The following ANKRD30BL variants were observed in gnomAD, a reference collection of about 807,000 sequenced individuals.
ANKRD30BL encodes the protein putative ankyrin repeat domain-containing protein 30B-like.
A neutral mutation model predicts 18.4 loss-of-function variants in ANKRD30BL; 20 were observed. That is an observed-to-expected ratio of 1.09 (90% CI 0.77 to 1.58). ANKRD30BL has a LOEUF of 1.58. ANKRD30BL is among the 40% of genes most tolerant of loss of function. ANKRD30BL has a pLI of 0.00. For synonymous variants in ANKRD30BL, 72 were observed against 100.9 expected, an observed-to-expected ratio of 0.71 and a Z score of 1.72; for missense variants, 224 against 268.6, an observed-to-expected ratio of 0.83 and a Z score of 1.16.
intron 1 of ANKRD30BL, among the ~76,000 whole-genome samples, chr2:132,193,801 A>G (rs973743379): frequency 6.6e-6 from 1 of 151,016 alleles, no homozygotes; most frequent in African/African-American, 2.4e-5. Context: ...CCTAATTACA[A>G]ATGCTCCCAA....
intron 1 of ANKRD30BL, among the ~76,000 whole-genome samples, chr2:132,197,984 C>T (rs1017939952): frequency 2.0e-5 from 3 of 151,716 alleles, no homozygotes; most frequent in African/African-American, 7.3e-5. Flanking sequence ...AAATTATAGA[C>T]AGTAGATTTA....
chr2:132,192,423 G>A (rs936464471), intron 1 of ANKRD30BL, among the ~76,000 whole-genome samples: 11 of 152,202 alleles, frequency 7.2e-5, no homozygotes, highest in Admixed American at 5.2e-4. Flanking sequence ...CTGAAACAAA[G>A]CCATGCCCTC....
At chr2:132,177,431 C>T (rs1266688537) in intron 1 of ANKRD30BL, among the ~76,000 whole-genome samples, 1 of 152,122 alleles carries the variant, frequency 6.6e-6, no homozygotes. Flanking sequence ...AGATTACAGG[C>T]CTGAGCCACT....
At position 132,247,487 on chromosome 2, in the gene ANKRD30BL, G is replaced by T. The variant is rs539017364; in HGVS notation, n.441+10042C>A. ...CTTTTGCAGGTTCTACAAAAGGATT[G>T]TTTCCAAACAGCTCAATGAAAAGAA... On this transcript the variant is annotated intron_variant and non_coding_transcript_variant, in intron 1 of 4. Transcript: ENST00000470729. Among the ~76,000 whole-genome samples, 319 of 151,760 alleles carry T rather than the reference G, an allele frequency of 2.1e-3. 2 individuals carry two copies. Among genetic ancestry groups the T allele is most frequent in the Non-Finnish European group, 1.9e-3 (128 of 67,678 alleles).
At chr2:132,168,481 C>T (rs188040994) in intron 1 of ANKRD30BL, among the ~76,000 whole-genome samples, 31,396 of 151,964 alleles carry the variant, frequency 0.21, 3,493 homozygotes, top group Non-Finnish European at 0.26. Flanking sequence ...GAACATAATG[C>T]TAAGTAAAAT....
intron 1 of ANKRD30BL, among the ~76,000 whole-genome samples, chr2:132,247,112 G>A (rs191512001): frequency 4.7e-5 from 4 of 85,524 alleles, no homozygotes; most frequent in Non-Finnish European, 1.1e-4. Flanking sequence ...GTGGACATTT[G>A]GAGCTCTTTG....
At chr2:132,232,700 T>C (rs2104784742) in intron 1 of ANKRD30BL, among the ~76,000 whole-genome samples, 1 of 152,290 alleles carries the variant, frequency 6.6e-6, no homozygotes, top group East Asian at 1.9e-4. Flanking sequence ...AGACCAAATC[T>C]ACTTCTGATT....
chr2:132,159,049 T>C (rs555262712), intron 1 of ANKRD30BL, among the ~76,000 whole-genome samples: 1 of 152,058 alleles, frequency 6.6e-6, no homozygotes, highest in African/African-American at 2.4e-5. Context: ...TCAAAGATAA[T>C]AAAAAGGAAA....
At chr2:132,208,543 A>G (rs1483802478) in intron 1 of ANKRD30BL, among the ~76,000 whole-genome samples, 1 of 152,162 alleles carries the variant, frequency 6.6e-6, no homozygotes, top group South Asian at 2.1e-4. Context: ...CAAAATTATG[A>G]CACAGACAAA....
At chr2:132,169,971 T>C (rs1688250720) in intron 1 of ANKRD30BL, among the ~76,000 whole-genome samples, 1 of 152,188 alleles carries the variant, frequency 6.6e-6, no homozygotes, top group Non-Finnish European at 1.5e-5. Flanking sequence ...GGATTTATTT[T>C]TTGCCTCATT....
chr2:132,174,143 T>C (rs1416408686), intron 1 of ANKRD30BL, among the ~76,000 whole-genome samples: 1 of 152,180 alleles, frequency 6.6e-6, no homozygotes, highest in Non-Finnish European at 1.5e-5. Flanking sequence ...ATCAAGTGGG[T>C]TAAAACTAAA....
chr2:132,187,002 A>G (rs1000295030), intron 1 of ANKRD30BL, among the ~76,000 whole-genome samples: 6 of 151,944 alleles, frequency 3.9e-5, no homozygotes, highest in Non-Finnish European at 7.4e-5. Flanking sequence ...AGCTAAGAAT[A>G]TTTCTGTGTT....
chr2:132,148,611 C>G (rs1293125982), intron 5 of ANKRD30BL, among the ~76,000 whole-genome samples: 1 of 151,836 alleles, frequency 6.6e-6, no homozygotes, highest in Admixed American at 6.6e-5. Context: ...CTCAAGCAAT[C>G]CGCCCGCTTT....
At chr2:132,200,621 A>G (rs1332078059) in intron 1 of ANKRD30BL, among the ~76,000 whole-genome samples, 1 of 152,180 alleles carries the variant, frequency 6.6e-6, no homozygotes, top group Non-Finnish European at 1.5e-5. Flanking sequence ...AGAACTACAA[A>G]CCACTGCTCA....
chr2:132,241,117 A>T (rs1003688919), intron 1 of ANKRD30BL, among the ~76,000 whole-genome samples: 67 of 151,316 alleles, frequency 4.4e-4, no homozygotes, highest in Admixed American at 2.0e-3. Flanking sequence ...CTCTTTTTGT[A>T]TATCTGCAAG....
At chr2:132,222,425 C>G (rs1035248141) in intron 1 of ANKRD30BL, among the ~76,000 whole-genome samples, 4 of 151,956 alleles carry the variant, frequency 2.6e-5, no homozygotes, top group African/African-American at 7.3e-5. Context: ...ATTGAGAAAT[C>G]GGATGGTTGC....
At chr2:132,240,444 G>T (rs1459147605) in intron 1 of ANKRD30BL, among the ~76,000 whole-genome samples, 2 of 151,026 alleles carry the variant, frequency 1.3e-5, no homozygotes, top group African/African-American at 2.4e-5. Context: ...AATCTATAAG[G>T]GGAAAGTTGG....
intron 1 of ANKRD30BL, among the ~76,000 whole-genome samples, chr2:132,220,958 A>C (rs1231345733): frequency 6.7e-6 from 1 of 149,348 alleles, no homozygotes; most frequent in Non-Finnish European, 1.5e-5. Context: ...GGAAGTGAGG[A>C]GCGTCTCTGC....
chr2:132,171,886 C>G (rs1688289971), intron 1 of ANKRD30BL, among the ~76,000 whole-genome samples: 1 of 152,174 alleles, frequency 6.6e-6, no homozygotes, highest in Non-Finnish European at 1.5e-5. Flanking sequence ...ACTTCTCACC[C>G]ACACTAGTCC....
Sources: gnomAD v4.1 joint callset for allele counts (sites outside exome capture counted in the v4.1 genomes callset) on GRCh38, gnomAD v4.1.1 for gene constraint, MANE v1.5 for transcripts, NCBI Gene and HGNC (gene_info 2026-07-23, HGNC 2026-07-21) for gene names.